The following HIBCH variants were observed in gnomAD, a reference collection of about 807,000 sequenced individuals.
The protein encoded by HIBCH is 3-hydroxyisobutyryl-CoA hydrolase, mitochondrial.
Under a neutral mutation model 58.2 loss-of-function variants are expected in HIBCH, and 50 were observed. That is an observed-to-expected ratio of 0.86 (90% CI 0.68 to 1.09). HIBCH has a LOEUF of 1.09. HIBCH is among the 50% of genes least tolerant of loss of function. The pLI, the probability that HIBCH is intolerant of heterozygous loss-of-function variation, is 0.00. For synonymous variants in HIBCH, 151 were observed against 146.9 expected (o/e 1.03, Z -0.20); for missense variants, 450 against 449.7 (o/e 1.00, Z -0.01).
intron 11 of HIBCH, among the ~76,000 whole-genome samples, chr2:190,222,177 T>A (rs1057405529): frequency 6.6e-6 from 1 of 152,182 alleles, no homozygotes; most frequent in Non-Finnish European, 1.5e-5. Flanking sequence ...CTCCCGTCAG[T>A]GCCCAAAAGC....
chr2:190,233,166 G>A (rs2105922009), intron 11 of HIBCH, among the ~76,000 whole-genome samples: 1 of 152,032 alleles, frequency 6.6e-6, no homozygotes, highest in South Asian at 2.1e-4. Flanking sequence ...AAACTTGGAG[G>A]AACAGTGATT....
chr2:190,296,938 T>C lies in HIBCH; in HGVS notation c.94A>G (p.Thr32Ala). Residue 32 changes from threonine (T) to alanine (A), a missense_variant, in exon 3 of 14, where the codon ACA becomes GCA. Physicochemically the swap from Thr to Ala is moderately conservative, Grantham distance 58. Transcript: ENST00000359678. ...AATAGCACCTCTTCTGCTGCATCTG[T>C]GTGCTTGGACATTCTCTGTATAAAC... ...ILHHLRMSKH[T>A]DAAEEVLLEK... 3.1e-6 allele frequency: 5 copies of C among 1,614,140 alleles called. No homozygotes were observed. Among genetic ancestry groups the C allele is most frequent in the Non-Finnish European group, 2.5e-6 (3 of 1,180,002 alleles).
chr2:190,212,614 C>T (rs1690538654), intron 12 of HIBCH, among the ~76,000 whole-genome samples: 1 of 152,122 alleles, frequency 6.6e-6, no homozygotes, highest in South Asian at 2.1e-4. Context: ...CTTCATTTTA[C>T]CAATGAGGGA....
intron 6 of HIBCH, among the ~76,000 whole-genome samples, chr2:190,272,650 GA>G (rs895944451): frequency 1.9e-4 from 27 of 143,904 alleles, no homozygotes; most frequent in Admixed American, 7.6e-4. Context: ...ATGGCCAAGG[GA>G]AAAAAAAAAA....
At chr2:190,307,642 C>A (rs758191967) in intron 2 of HIBCH, among the ~76,000 whole-genome samples, 59 of 151,882 alleles carry the variant, frequency 3.9e-4, no homozygotes, top group Admixed American at 5.9e-4. Context: ...CCAGCCTGGG[C>A]AACACAGCAA....
At chr2:190,259,121 AT>A (rs1440663903) in intron 7 of HIBCH, among the ~76,000 whole-genome samples, 2 of 152,200 alleles carry the variant, frequency 1.3e-5, no homozygotes, top group East Asian at 3.9e-4. Context: ...TTCCATATGA[AT>A]TTTAGAATTG....
At chr2:190,319,382 T>C (rs1367545443) in intron 1 of HIBCH, among the ~76,000 whole-genome samples, 1 of 152,198 alleles carries the variant, frequency 6.6e-6, no homozygotes, top group East Asian at 1.9e-4. Context: ...ACAGTTCCGC[T>C]AAGCTAAATC....
chr2:190,200,400 C>CTGAA (rs1690194857), downstream of HIBCH: 1 of 404,068 alleles, frequency 2.5e-6, no homozygotes. Context: ...CAATAATCAG[C>CTGAA]TGAATGTCAC....
chr2:190,193,669 T>C (rs888169872), intron 1 of HIBCH, among the ~76,000 whole-genome samples: 19 of 152,174 alleles, frequency 1.2e-4, no homozygotes, highest in African/African-American at 4.3e-4. Flanking sequence ...TTTAAACGTA[T>C]ATAGATGTCA....
At chr2:190,200,017 G>A (rs1173363960), downstream of HIBCH, 7 of 1,613,950 alleles carry the variant, frequency 4.3e-6, no homozygotes, top group Non-Finnish European at 5.9e-6. Flanking sequence ...GGAACCTCCA[G>A]GGACCAATAC....
intron 6 of HIBCH, among the ~76,000 whole-genome samples, 175 bp downstream of exon 6, chr2:190,287,411 A>T (rs1307030411): frequency 6.6e-6 from 1 of 152,226 alleles, no homozygotes; most frequent in Non-Finnish European, 1.5e-5. Context: ...GGGATAGTCT[A>T]AAAGTGCTAT....
At chr2:190,277,265 T>C (rs1402821283) in intron 6 of HIBCH, among the ~76,000 whole-genome samples, 1 of 152,202 alleles carries the variant, frequency 6.6e-6, no homozygotes, top group Non-Finnish European at 1.5e-5. Context: ...AAATACTGAG[T>C]AAATGTTTGA....
At chr2:190,248,953 C>T (rs1333309423) in intron 9 of HIBCH, among the ~76,000 whole-genome samples, 1 of 152,092 alleles carries the variant, frequency 6.6e-6, no homozygotes, top group Non-Finnish European at 1.5e-5. Context: ...GGACCTAGTC[C>T]CTTTAGAAGG....
intron 2 of HIBCH, among the ~76,000 whole-genome samples, chr2:190,308,877 G>A (rs550787305): frequency 6.6e-5 from 10 of 152,194 alleles, no homozygotes; most frequent in African/African-American, 2.2e-4. Context: ...GCTATAGGGC[G>A]TACAAAGTAA....
chr2:190,268,403 T>C lies in HIBCH; in HGVS notation c.439-7169A>G, dbSNP rs919167601. ...ATGTTAATATGGACAAGCATAACAT[T>C]TGAACAAAAATGGAAAAAGCATGTG... On this transcript the variant is annotated intron_variant, in intron 6 of 13. Transcript: ENST00000359678. 3.3e-5 allele frequency among the ~76,000 whole-genome samples: 5 copies of C among 152,216 alleles called. No homozygotes were observed. The East Asian group carries it at 9.6e-4, about 29-fold the overall frequency.
intron 5 of HIBCH, among the ~76,000 whole-genome samples, chr2:190,288,543 T>A (rs1687885795): frequency 6.6e-6 from 1 of 150,880 alleles, no homozygotes; most frequent in Non-Finnish European, 1.5e-5. Flanking sequence ...AAATATCCAT[T>A]AATGTAGAAC....
chr2:190,191,262 C>G, intron 1 of HIBCH, among the ~76,000 whole-genome samples: 1 of 152,108 alleles, frequency 6.6e-6, no homozygotes, highest in East Asian at 1.9e-4. Flanking sequence ...CATGCCTCAG[C>G]CTCCCAAGCA....
intron 1 of HIBCH, among the ~76,000 whole-genome samples, chr2:190,190,833 T>C (rs1558997379): frequency 6.6e-6 from 1 of 152,194 alleles, no homozygotes. Flanking sequence ...TCTATGAATT[T>C]TAACGCATGT....
intron 2 of HIBCH, among the ~76,000 whole-genome samples, chr2:190,300,605 G>T (rs546718336): frequency 6.6e-6 from 1 of 151,950 alleles, no homozygotes; most frequent in Non-Finnish European, 1.5e-5. Flanking sequence ...CATTCTGTAG[G>T]TTGTATGTTT....
Sources: allele counts gnomAD v4.1 joint callset (sites outside exome capture counted in the v4.1 genomes callset), GRCh38; gene constraint gnomAD v4.1.1; transcripts MANE v1.5; gene names NCBI Gene and HGNC (gene_info 2026-07-23, HGNC 2026-07-21).